The following SCFD2 variants were observed in gnomAD, a reference collection of about 807,000 sequenced individuals.
SCFD2 encodes the protein sec1 family domain-containing protein 2.
SCFD2 carries 54 observed loss-of-function variants against 58.9 expected under a neutral mutation model. That is an observed-to-expected ratio of 0.92 (90% CI 0.74 to 1.15). SCFD2 has a LOEUF of 1.15. Among genes scored for constraint, SCFD2 ranks in the 50% most tolerant of loss-of-function variants. SCFD2 has a pLI of 0.00. For missense variants in SCFD2, 805 were observed against 836.6 expected (o/e 0.96, Z 0.47); for synonymous variants, 321 against 335.9 (o/e 0.96, Z 0.49).
At chr4:52,960,469 A>G (rs1247181467) in intron 5 of SCFD2, among the ~76,000 whole-genome samples, 2 of 151,712 alleles carry the variant, frequency 1.3e-5, no homozygotes, top group African/African-American at 4.8e-5. Context: ...CCCGGGTTCA[A>G]GTGATTCTCC....
At chr4:52,992,470 G>A (rs1050798727) in intron 5 of SCFD2, among the ~76,000 whole-genome samples, 52 of 152,088 alleles carry the variant, frequency 3.4e-4, no homozygotes, top group Non-Finnish European at 4.9e-4. Flanking sequence ...AGTGAGGAGC[G>A]TCTCTGCATG....
chr4:53,365,245 G>A lies in SCFD2; in HGVS notation c.697C>T (p.Arg233Trp), dbSNP rs1734660917. 1 of 1,614,118 alleles carries A rather than the reference G, an allele frequency of 6.2e-7. No individual in the cohort carries two copies. The highest frequency in any genetic ancestry group is 8.5e-7 in the Non-Finnish European group (1 of 1,180,024). ...GAACCTACAGCAAAACACTCCTCCC[G>A]TACTCCTAAATGTTCACACAGAGAA... Reference protein sequence around the residue: ...LSSLCEHLGVREECFAVGSLS... With the variant: ...LSSLCEHLGVWEECFAVGSLS... Residue 233 changes from arginine to tryptophan, a missense_variant, in exon 1 of 9, where the codon CGG (arginine) becomes TGG (tryptophan). Transcript: ENST00000401642. The surrounding 1 kb of genome is among the most constrained non-coding windows in gnomAD (Gnocchi z 4.3).
chr4:53,113,813 A>G (rs1370790626), intron 5 of SCFD2, among the ~76,000 whole-genome samples: 1 of 108,508 alleles, frequency 9.2e-6, no homozygotes, highest in Non-Finnish European at 2.2e-5. Context: ...ACAAAGGTAC[A>G]GAAAGTGGTC....
intron 2 of SCFD2, among the ~76,000 whole-genome samples, chr4:53,330,615 C>T (rs973048646): frequency 3.9e-5 from 6 of 152,042 alleles, no homozygotes; most frequent in African/African-American, 1.4e-4. Context: ...TGGAAAGGAA[C>T]AACCAGTACC....
At chr4:53,088,966 A>C (rs142347896) in intron 5 of SCFD2, among the ~76,000 whole-genome samples, 1 of 152,238 alleles carries the variant, frequency 6.6e-6, no homozygotes, top group African/African-American at 2.4e-5. Flanking sequence ...TTATGAATGG[A>C]ATTAGTGCTG....
intron 5 of SCFD2, among the ~76,000 whole-genome samples, chr4:53,065,560 GT>G (rs1171785682): frequency 2.0e-5 from 3 of 151,984 alleles, no homozygotes; most frequent in African/African-American, 7.2e-5. Flanking sequence ...GACATTAATT[GT>G]TATTCTGTTT....
At chr4:53,067,328 G>A (rs566682609) in intron 5 of SCFD2, among the ~76,000 whole-genome samples, 1 of 152,102 alleles carries the variant, frequency 6.6e-6, no homozygotes, top group African/African-American at 2.4e-5. Flanking sequence ...TTTGGGGAAT[G>A]TGGTTAGTAC....
chr4:53,213,452 T>A (rs1467267750), intron 4 of SCFD2, among the ~76,000 whole-genome samples: 1 of 152,060 alleles, frequency 6.6e-6, no homozygotes, highest in Non-Finnish European at 1.5e-5. Context: ...AAAACCAGAG[T>A]GACTATGATC....
chr4:53,044,687 A>C (rs949703729), intron 5 of SCFD2, among the ~76,000 whole-genome samples: 1 of 137,192 alleles, frequency 7.3e-6, no homozygotes, highest in Non-Finnish European at 1.5e-5. Flanking sequence ...TCCTCTCTCC[A>C]CCCCAACCCT....
intron 5 of SCFD2, among the ~76,000 whole-genome samples, chr4:53,083,036 C>T (rs891994889): frequency 6.6e-6 from 1 of 151,848 alleles, no homozygotes; most frequent in African/African-American, 2.4e-5. Context: ...TCTGGAGAAC[C>T]CTGACTAATA....
intron 8 of SCFD2, among the ~76,000 whole-genome samples, chr4:52,880,409 A>G (rs141783478): frequency 2.6e-4 from 40 of 151,858 alleles, no homozygotes; most frequent in African/African-American, 9.4e-4. Flanking sequence ...TTGAGGTAGG[A>G]GTTCAAGACC....
chr4:53,123,616 T>G (rs1442350830), intron 5 of SCFD2, among the ~76,000 whole-genome samples: 1 of 152,144 alleles, frequency 6.6e-6, no homozygotes, highest in African/African-American at 2.4e-5. Context: ...CCCAAAATGC[T>G]ACTAAAACCC....
intron 5 of SCFD2, among the ~76,000 whole-genome samples, chr4:53,115,738 A>G (rs1725300480): frequency 6.6e-6 from 1 of 152,186 alleles, no homozygotes; most frequent in Admixed American, 6.6e-5. Context: ...TTTTCCTGAC[A>G]TATCTATTTA....
At chr4:52,953,635 C>T (rs1046371142) in intron 5 of SCFD2, among the ~76,000 whole-genome samples, 8 of 152,156 alleles carry the variant, frequency 5.3e-5, no homozygotes, top group Non-Finnish European at 7.3e-5. Flanking sequence ...GAAGATGAAC[C>T]TGAAACTGCT....
intron 5 of SCFD2, among the ~76,000 whole-genome samples, chr4:52,946,326 A>T (rs1720425589): frequency 6.6e-6 from 1 of 152,206 alleles, no homozygotes; most frequent in African/African-American, 2.4e-5. Context: ...ATAGGAAAAG[A>T]TTCTAAAATT....
chr4:52,982,538 T>C (rs983740454), intron 5 of SCFD2, among the ~76,000 whole-genome samples: 11 of 152,210 alleles, frequency 7.2e-5, no homozygotes, highest in African/African-American at 2.7e-4. Flanking sequence ...TAAGCAGTTT[T>C]GACTTATAAT....
chr4:53,342,647 G>A (rs1239326228), intron 2 of SCFD2, among the ~76,000 whole-genome samples: 2 of 152,180 alleles, frequency 1.3e-5, no homozygotes, highest in African/African-American at 4.8e-5. Context: ...GAAATACACA[G>A]AATATACATT....
intron 5 of SCFD2, among the ~76,000 whole-genome samples, chr4:52,943,564 A>C (rs1263894913): frequency 6.6e-6 from 1 of 152,062 alleles, no homozygotes; most frequent in African/African-American, 2.4e-5. Flanking sequence ...TAACTTTGTG[A>C]ATTTCCCTTA....
At chr4:53,034,301 C>T (rs570604687) in intron 5 of SCFD2, among the ~76,000 whole-genome samples, 2 of 152,192 alleles carry the variant, frequency 1.3e-5, no homozygotes, top group African/African-American at 4.8e-5. Flanking sequence ...TCTCAATAAA[C>T]TAGGTATTGA....
Sources: gnomAD v4.1 joint callset for allele counts (sites outside exome capture counted in the v4.1 genomes callset) on GRCh38, gnomAD v4.1.1 for gene constraint, Gnocchi (gnomAD v3.1) non-coding constraint, MANE v1.5 for transcripts, NCBI Gene and HGNC (gene_info 2026-07-23, HGNC 2026-07-21) for gene names.